Variants in FER observed in about 807,000 individuals in gnomAD.
FER encodes the protein tyrosine-protein kinase Fer.
A neutral mutation model predicts 111.0 loss-of-function variants in FER; 63 were observed. The ratio of observed to expected loss-of-function variants is 0.57; its 90% CI spans 0.46 to 0.70. The LOEUF is 0.70. Among genes scored for constraint, FER ranks in the 30% least tolerant of loss-of-function variants. The pLI, the probability that FER is intolerant of heterozygous loss-of-function variation, is 0.00. For missense variants in FER, 914 were observed against 954.0 expected (o/e 0.96, Z 0.55); for synonymous variants, 327 against 313.9 (o/e 1.04, Z -0.44).
At chr5:109,120,336 C>G (rs1487869828) in intron 17 of FER, among the ~76,000 whole-genome samples, 1 of 152,114 alleles carries the variant, frequency 6.6e-6, no homozygotes, top group Non-Finnish European at 1.5e-5. Context: ...CTCCAGTTTT[C>G]TCAGCACCAT....
At chr5:108,797,752 G>A (rs1756197599) in intron 2 of FER, among the ~76,000 whole-genome samples, 1 of 152,238 alleles carries the variant, frequency 6.6e-6, no homozygotes, top group South Asian at 2.1e-4. Flanking sequence ...TGGTTTTCCT[G>A]CTGGCAGGGG....
intron 17 of FER, among the ~76,000 whole-genome samples, chr5:109,142,155 A>G (rs1204755141): frequency 6.6e-6 from 1 of 152,214 alleles, no homozygotes; most frequent in Non-Finnish European, 1.5e-5. Flanking sequence ...GGGAAGGAGG[A>G]TACAGAGACT....
At chr5:109,127,499 G>C (rs1243087204) in intron 17 of FER, among the ~76,000 whole-genome samples, 2 of 152,078 alleles carry the variant, frequency 1.3e-5, no homozygotes, top group African/African-American at 4.8e-5. Flanking sequence ...CACCTCCCAG[G>C]TTCAAGGGGT....
intron 17 of FER, among the ~76,000 whole-genome samples, chr5:109,143,874 A>T (rs1042297436): frequency 4.0e-5 from 6 of 149,928 alleles, no homozygotes; most frequent in Non-Finnish European, 7.4e-5. Context: ...ATTTATATAA[A>T]ATATATATAT....
chr5:108,778,220 T>C (rs1753702840), intron 2 of FER, among the ~76,000 whole-genome samples: 1 of 152,216 alleles, frequency 6.6e-6, no homozygotes, highest in Admixed American at 6.5e-5. Context: ...CTTGGTTGCT[T>C]CCAAGTTTTG....
intron 13 of FER, among the ~76,000 whole-genome samples, chr5:108,996,648 GT>G (rs1561742569): frequency 6.6e-6 from 1 of 152,178 alleles, no homozygotes; most frequent in Non-Finnish European, 1.5e-5. Context: ...GTACCATGCT[GT>G]TTTGGTTACT....
At chr5:108,829,216 C>G (rs1202691306) in intron 3 of FER, among the ~76,000 whole-genome samples, 2 of 152,134 alleles carry the variant, frequency 1.3e-5, no homozygotes, top group Non-Finnish European at 2.9e-5. Context: ...TTCAACCATT[C>G]CTTTTAGGTC....
intron 13 of FER, among the ~76,000 whole-genome samples, chr5:109,035,772 A>T (rs1378933047): frequency 6.6e-6 from 1 of 152,244 alleles, no homozygotes. Context: ...CATTTTCACC[A>T]GCGATACATA....
intron 2 of FER, chr5:108,785,157 A>T: frequency 1.7e-6 from 1 of 603,334 alleles, no homozygotes; most frequent in Non-Finnish European, 2.9e-6. Flanking sequence ...TGCAAGCTGA[A>T]GACCAACCAC....
chr5:108,996,533 C>G (rs532883084), intron 13 of FER, among the ~76,000 whole-genome samples: 27 of 152,162 alleles, frequency 1.8e-4, no homozygotes, highest in Non-Finnish European at 3.1e-4. Flanking sequence ...TTCCTCATTT[C>G]TTGTTTTTGT....
At chr5:109,022,402 T>C (rs1473462680) in intron 13 of FER, among the ~76,000 whole-genome samples, 2 of 152,064 alleles carry the variant, frequency 1.3e-5, no homozygotes, top group Non-Finnish European at 2.9e-5. Context: ...GAGAGACAAG[T>C]AGGCTTGCAG....
intron 2 of FER, among the ~76,000 whole-genome samples, chr5:108,788,067 C>T (rs2150015710): frequency 6.6e-6 from 1 of 152,308 alleles, no homozygotes; most frequent in South Asian, 2.1e-4. Flanking sequence ...TTCTGGGATT[C>T]CAGAGCTTGG....
intron 16 of FER, among the ~76,000 whole-genome samples, chr5:109,070,548 T>C (rs535690982): frequency 4.6e-5 from 7 of 151,940 alleles, no homozygotes; most frequent in South Asian, 2.1e-4. Flanking sequence ...ATAACACTTA[T>C]TGTATGCCAT....
At chr5:109,156,867 A>T (rs1011525375) in intron 17 of FER, among the ~76,000 whole-genome samples, 2 of 152,052 alleles carry the variant, frequency 1.3e-5, no homozygotes, top group Non-Finnish European at 2.9e-5. Context: ...TATTAATATT[A>T]TGGAGGGCCA....
intron 4 of FER, among the ~76,000 whole-genome samples, chr5:108,835,342 C>T (rs1021069980): frequency 6.6e-6 from 1 of 151,976 alleles, no homozygotes; most frequent in African/African-American, 2.4e-5. Flanking sequence ...CCACCATAGC[C>T]TGGCTCCTTT....
At chr5:108,925,701 A>G (rs893760505) in intron 10 of FER, among the ~76,000 whole-genome samples, 10 of 152,130 alleles carry the variant, frequency 6.6e-5, no homozygotes, top group Non-Finnish European at 1.2e-4. Flanking sequence ...TAGTTGAAAT[A>G]CATACACGAT....
chr5:108,865,819 A>C (rs1763991217), intron 5 of FER, among the ~76,000 whole-genome samples: 1 of 152,238 alleles, frequency 6.6e-6, no homozygotes. Flanking sequence ...TATGCAGCCA[A>C]AAGACACATG....
intron 10 of FER, among the ~76,000 whole-genome samples, chr5:108,916,888 A>T (rs1213225747): frequency 1.3e-5 from 2 of 152,172 alleles, no homozygotes; most frequent in Non-Finnish European, 2.9e-5. Context: ...ATTTCATATT[A>T]TATTTGATCA....
intron 3 of FER, among the ~76,000 whole-genome samples, chr5:108,816,531 G>GT (rs891335490): frequency 2.0e-5 from 3 of 152,132 alleles, no homozygotes; most frequent in African/African-American, 7.2e-5. Flanking sequence ...ACTATGCAAA[G>GT]TTTTTTCTGT....
Sources: allele counts gnomAD v4.1 joint callset (sites outside exome capture counted in the v4.1 genomes callset), GRCh38; gene constraint gnomAD v4.1.1; transcripts MANE v1.5; gene names NCBI Gene and HGNC (gene_info 2026-07-23, HGNC 2026-07-21).